Variants in CKAP5 observed in about 807,000 individuals in gnomAD.
CKAP5 encodes cytoskeleton associated protein 5.
A neutral mutation model predicts 232.8 loss-of-function variants in CKAP5; 27 were observed. The observed-to-expected ratio is 0.12, with a 90% CI of 0.09 to 0.16. The LOEUF (loss-of-function observed/expected upper bound fraction) is 0.16, where lower values mean the gene tolerates loss of function less well. CKAP5 is among the 10% of genes least tolerant of loss of function. The pLI is 1.00. For synonymous variants in CKAP5, 785 were observed against 841.1 expected (o/e 0.93, Z 1.16); for missense variants, 1,838 against 2,424.7 (o/e 0.76, Z 5.08).
intron 18 of CKAP5, among the ~76,000 whole-genome samples, chr11:46,781,764 TACC>T (rs938450870): frequency 1.4e-4 from 21 of 152,244 alleles, no homozygotes; most frequent in African/African-American, 3.6e-4. Context: ...ATCTAAACTA[TACC>T]ACATTATTCC....
At chr11:46,797,081 T>A (rs78279886) in intron 11 of CKAP5, 141 bp from the exon 12 acceptor site, 58,474 of 922,604 alleles carry the variant, frequency 0.063, 2,213 homozygotes, top group Non-Finnish European at 0.077. Context: ...CTTGTGCCAA[T>A]TGACAGTTAC....
chr11:46,762,697 G>A lies in CKAP5; in HGVS notation c.3957C>T (p.Val1319=). The A allele has an allele frequency of 6.2e-7, 1 of 1,614,028 alleles. No individual in the cohort carries two copies. Among genetic ancestry groups the A allele is most frequent in the Admixed American group, 1.7e-5 (1 of 60,018 alleles). ...VRAILNRMCL[V]YPASKMFPFI... is the part of the protein sequence containing the mutation. ...AGGGAAACATCTTGCTAGCTGGGTAGACAAGGCACATCCGGTTCAGGATGG... is the reference window on the plus strand; with the variant it reads ...AGGGAAACATCTTGCTAGCTGGGTAAACAAGGCACATCCGGTTCAGGATGG... Residue 1319 remains valine (V), a synonymous_variant, in exon 31 of 44, where the codon GTC becomes GTT. Transcript: ENST00000529230.
chr11:46,752,219 C>CACATACACAT (rs1555160694), intron 38 of CKAP5, among the ~76,000 whole-genome samples: 1 of 86,222 alleles, frequency 1.2e-5, no homozygotes, highest in Admixed American at 1.8e-4. Context: ...CACACACACA[C>CACATACACAT]ACACACACAC....
chr11:46,810,688 T>C (rs1296592021), intron 5 of CKAP5, among the ~76,000 whole-genome samples: 3 of 152,198 alleles, frequency 2.0e-5, no homozygotes, highest in African/African-American at 7.2e-5. Flanking sequence ...GGAAGACGTA[T>C]GTCTAAGCAC....
At chr11:46,844,197 G>C (rs1463773888) in intron 1 of CKAP5, among the ~76,000 whole-genome samples, 1 of 151,534 alleles carries the variant, frequency 6.6e-6, no homozygotes, top group Non-Finnish European at 1.5e-5. Context: ...ACTCTAGCCT[G>C]GGCGAAAGAG....
At chr11:46,812,351 T>A (rs904055986) in intron 4 of CKAP5, among the ~76,000 whole-genome samples, 1 of 151,736 alleles carries the variant, frequency 6.6e-6, no homozygotes, top group East Asian at 1.9e-4. Context: ...AAAATAAAAT[T>A]AAAAAAAAGT....
Position 46,810,990 on chromosome 11 carries a change from A to G in CKAP5, c.630+17T>C. 13 of 1,566,290 alleles carry G rather than the reference A, an allele frequency of 8.3e-6. No homozygotes were observed. The highest frequency in any genetic ancestry group is 1.1e-5 in the Non-Finnish European group (13 of 1,156,916). ...ATTAACCTTGTGCGAAAGCAACCAG[A>G]AAACTTTTTGTCTCACCTGAACAGA... On this transcript the variant is annotated intron_variant, in intron 5 of 43. Transcript: ENST00000529230.
At chr11:46,836,421 G>T (rs765727229) in intron 1 of CKAP5, among the ~76,000 whole-genome samples, 1 of 152,166 alleles carries the variant, frequency 6.6e-6, no homozygotes, top group Admixed American at 6.5e-5. Flanking sequence ...TTTAAAAAGT[G>T]AGAACACTAG....
At chr11:46,792,659 T>C (rs948721520) in intron 13 of CKAP5, among the ~76,000 whole-genome samples, 2 of 152,190 alleles carry the variant, frequency 1.3e-5, no homozygotes, top group African/African-American at 2.4e-5. Context: ...GCTGCTGATA[T>C]TGTCCTACTT....
intron 1 of CKAP5, among the ~76,000 whole-genome samples, chr11:46,843,728 GAA>G (rs11362980): frequency 0.031 from 3,349 of 107,554 alleles, 54 homozygotes; most frequent in Non-Finnish European, 0.043. Flanking sequence ...AGATCTGATT[GAA>G]AAAAAAAAAA....
intron 1 of CKAP5, among the ~76,000 whole-genome samples, chr11:46,841,940 G>A (rs7942150): frequency 0.02 from 2,947 of 145,526 alleles, 99 homozygotes; most frequent in African/African-American, 0.071. Flanking sequence ...AGAGGTTGCA[G>A]TGAGCCGAGA....
intron 20 of CKAP5, among the ~76,000 whole-genome samples, chr11:46,779,744 T>C (rs900651101): frequency 2.6e-5 from 4 of 152,052 alleles, no homozygotes; most frequent in Admixed American, 2.0e-4. Context: ...CTTGGCCTCC[T>C]GTGTAGCTGG....
At chr11:46,787,492 C>T (rs1298371281) in intron 16 of CKAP5, among the ~76,000 whole-genome samples, 3 of 152,132 alleles carry the variant, frequency 2.0e-5, no homozygotes, top group Non-Finnish European at 4.4e-5. Context: ...TATACCCACC[C>T]CTTAGACTAA....
intron 8 of CKAP5, 67 bp downstream of exon 8, chr11:46,807,964 T>C: frequency 9.2e-7 from 1 of 1,083,576 alleles, no homozygotes; most frequent in Non-Finnish European, 1.4e-6. Context: ...ATTAAAAAGA[T>C]GACTGATGAG....
intron 1 of CKAP5, among the ~76,000 whole-genome samples, chr11:46,836,540 C>T (rs1015026405): frequency 6.6e-6 from 1 of 152,006 alleles, no homozygotes; most frequent in African/African-American, 2.4e-5. Context: ...CAGTGAGACC[C>T]CATCTCTTTA....
At chr11:46,751,712 T>C (rs2065065945) in intron 38 of CKAP5, among the ~76,000 whole-genome samples, 178 bp from the exon 39 acceptor site, 1 of 152,150 alleles carries the variant, frequency 6.6e-6, no homozygotes, top group Admixed American at 6.5e-5. Flanking sequence ...ACTTCTACCA[T>C]GACACCAGCT....
intron 1 of CKAP5, among the ~76,000 whole-genome samples, chr11:46,839,436 A>T (rs1939999204): frequency 6.6e-6 from 1 of 152,232 alleles, no homozygotes; most frequent in Non-Finnish European, 1.5e-5. Context: ...AAAAACCTTA[A>T]AACTCTCCAA....
intron 13 of CKAP5, among the ~76,000 whole-genome samples, chr11:46,794,309 A>G (rs980059577): frequency 6.6e-6 from 1 of 151,976 alleles, no homozygotes; most frequent in Non-Finnish European, 1.5e-5. Flanking sequence ...ATTAAAAAAT[A>G]AAAAATCAGC....
intron 31 of CKAP5, 177 bp from the exon 32 acceptor site, chr11:46,762,370 C>T (rs2065162574): frequency 1.1e-6 from 1 of 875,794 alleles, no homozygotes; most frequent in East Asian, 2.4e-5. Flanking sequence ...AGCAAGTGCT[C>T]CTGAAAGGAA....
Sources: allele counts gnomAD v4.1 joint callset (sites outside exome capture counted in the v4.1 genomes callset), GRCh38; gene constraint gnomAD v4.1.1; transcripts MANE v1.5; gene names NCBI Gene and HGNC (gene_info 2026-07-23, HGNC 2026-07-21).